The following COP1 variants were observed in gnomAD, a reference collection of about 807,000 sequenced individuals.
COP1 encodes the protein E3 ubiquitin-protein ligase COP1.
In COP1, 24 loss-of-function variants were observed where a neutral mutation model predicts 101.3. That is an observed-to-expected ratio of 0.24 (90% CI 0.17 to 0.33). The LOEUF (loss-of-function observed/expected upper bound fraction) is 0.33, where lower values mean the gene tolerates loss of function less well. Among genes scored for constraint, COP1 ranks in the 10% least tolerant of loss-of-function variants. COP1 has a pLI of 1.00. For synonymous variants in COP1, 347 were observed against 341.9 expected (o/e 1.01, Z -0.17); for missense variants, 663 against 906.2 (o/e 0.73, Z 3.45).
intron 11 of COP1, among the ~76,000 whole-genome samples, chr1:176,057,509 A>AT (rs1454719648): frequency 4.6e-5 from 7 of 151,952 alleles, no homozygotes; most frequent in East Asian, 1.9e-4. Flanking sequence ...TGGTTTTCGT[A>AT]TTTTTTTGGT....
intron 15 of COP1, among the ~76,000 whole-genome samples, chr1:176,006,129 T>C (rs899301128): frequency 7.2e-5 from 11 of 152,180 alleles, no homozygotes; most frequent in African/African-American, 1.4e-4. Flanking sequence ...TTTTGATCTT[T>C]GTTGGTTTAA....
chr1:175,972,887 CA>C (rs1653617479), intron 18 of COP1, among the ~76,000 whole-genome samples: 1 of 152,158 alleles, frequency 6.6e-6, no homozygotes, highest in Non-Finnish European at 1.5e-5. Context: ...GGCTGGAGTG[CA>C]ATGGCACGAT....
chr1:176,089,654 G>A (rs571376372), intron 9 of COP1, among the ~76,000 whole-genome samples: 3 of 152,242 alleles, frequency 2.0e-5, no homozygotes, highest in African/African-American at 7.2e-5. Context: ...TTAAAGCACT[G>A]CTTCACTCTG....
At chr1:176,158,337 G>T (rs1421865486) in intron 5 of COP1, among the ~76,000 whole-genome samples, 1 of 152,058 alleles carries the variant, frequency 6.6e-6, no homozygotes, top group African/African-American at 2.4e-5. Context: ...GATTTTGTCA[G>T]ACATATAAAA....
intron 15 of COP1, among the ~76,000 whole-genome samples, chr1:175,989,917 T>C (rs1658008940): frequency 6.6e-6 from 1 of 152,160 alleles, no homozygotes; most frequent in African/African-American, 2.4e-5. Flanking sequence ...AAATCAGTTT[T>C]AGAGTATTTC....
intron 9 of COP1, among the ~76,000 whole-genome samples, chr1:176,102,151 G>A (rs1394500418): frequency 1.3e-5 from 2 of 152,130 alleles, no homozygotes; most frequent in Non-Finnish European, 2.9e-5. Flanking sequence ...CATTTGCAGC[G>A]GGGAGGAGCC....
intron 19 of COP1, among the ~76,000 whole-genome samples, chr1:175,946,829 C>G (rs980794839): frequency 1.3e-5 from 2 of 152,192 alleles, no homozygotes; most frequent in African/African-American, 4.8e-5. Context: ...GCATCTTCTG[C>G]TATATCTTGC....
intron 3 of COP1, among the ~76,000 whole-genome samples, chr1:176,164,193 T>C (rs1052925328): frequency 6.6e-6 from 1 of 152,228 alleles, no homozygotes; most frequent in African/African-American, 2.4e-5. Context: ...ATTCACCATG[T>C]GAGACCATCA....
At chr1:176,141,974 A>G (rs938169952) in intron 6 of COP1, among the ~76,000 whole-genome samples, 1 of 151,836 alleles carries the variant, frequency 6.6e-6, no homozygotes, top group South Asian at 2.1e-4. Flanking sequence ...CCCTCAAATG[A>G]TCCTCCTACC....
intron 11 of COP1, among the ~76,000 whole-genome samples, chr1:176,064,640 G>A (rs1018086249): frequency 5.3e-5 from 8 of 152,010 alleles, no homozygotes; most frequent in African/African-American, 1.9e-4. Flanking sequence ...GCAGTGTTAC[G>A]GTTTCTTTCC....
At chr1:176,133,239 C>G (rs114144932) in intron 8 of COP1, among the ~76,000 whole-genome samples, 2 of 147,660 alleles carry the variant, frequency 1.4e-5, no homozygotes, top group African/African-American at 5.0e-5. Flanking sequence ...CGTATATGTA[C>G]GTAGGTACAC....
At chr1:175,992,286 A>C (rs950958631) in intron 15 of COP1, among the ~76,000 whole-genome samples, 1 of 152,212 alleles carries the variant, frequency 6.6e-6, no homozygotes, top group Non-Finnish European at 1.5e-5. Flanking sequence ...CCAAATAGGA[A>C]CAGCTCCAGT....
Position 176,079,064 on chromosome 1 carries a change from T to C in COP1, c.1277+2088A>G, listed in dbSNP as rs1410060105. Among the ~76,000 whole-genome samples the C allele has an allele frequency of 2.6e-5, 4 of 152,118 alleles. No individual in the cohort carries two copies. In the East Asian group the frequency reaches 5.8e-4, roughly 22 times the overall value. On this transcript the variant is annotated intron_variant, in intron 11 of 19. Coordinates refer to ENST00000367669, the MANE Select transcript of COP1 (RefSeq NM_022457.7). The stretch of plus-strand genomic sequence containing the variant: ...GGAATGCAAACTAGATCAACCACTA[T>C]GGAAAGCAGTTTGGAGATTTGTCAT...
rs189362553 is a variant in COP1, at chr1:176,084,587, C to T, written c.1141+1189G>A. ...ATTATTACACAAGCACAATAAGGGGCTCCATTCCCAGGCAATAAATGAAAG... is the reference window on the plus strand; with the variant it reads ...ATTATTACACAAGCACAATAAGGGGTTCCATTCCCAGGCAATAAATGAAAG... On this transcript the variant is annotated intron_variant, in intron 10 of 19. Transcript: ENST00000367669. Among the ~76,000 whole-genome samples the T allele has an allele frequency of 5.5e-3, 839 of 152,282 alleles. 2 individuals carry two copies. Among genetic ancestry groups the T allele is most frequent in the South Asian group, 0.011 (54 of 4,816 alleles).
intron 11 of COP1, among the ~76,000 whole-genome samples, chr1:176,058,419 A>C (rs1322369967): frequency 6.6e-6 from 1 of 152,190 alleles, no homozygotes; most frequent in African/African-American, 2.4e-5. Context: ...TTTGCTCTGT[A>C]CTAAGAAAAA....
chr1:175,986,112 C>G (rs530525807), intron 18 of COP1, among the ~76,000 whole-genome samples: 1 of 152,128 alleles, frequency 6.6e-6, no homozygotes, highest in East Asian at 1.9e-4. Flanking sequence ...CTCTGCCTCG[C>G]GGGTTGATGC....
At chr1:176,128,334 T>C (rs1044308673) in intron 8 of COP1, among the ~76,000 whole-genome samples, 4 of 152,040 alleles carry the variant, frequency 2.6e-5, no homozygotes, top group Non-Finnish European at 5.9e-5. Flanking sequence ...ATTACAGGTG[T>C]ATGAAGAGTA....
intron 8 of COP1, among the ~76,000 whole-genome samples, chr1:176,132,605 C>T (rs1689089103): frequency 8.1e-6 from 1 of 122,950 alleles, no homozygotes; most frequent in Admixed American, 8.8e-5. Context: ...CACATATGTA[C>T]GTATATATAC....
intron 18 of COP1, among the ~76,000 whole-genome samples, chr1:175,957,851 G>T (rs1194613549): frequency 1.3e-5 from 2 of 152,030 alleles, no homozygotes; most frequent in Non-Finnish European, 1.5e-5. Flanking sequence ...TAATAAGAAG[G>T]AACTACAGAT....
Sources: gnomAD v4.1 joint callset for allele counts (sites outside exome capture counted in the v4.1 genomes callset) on GRCh38, gnomAD v4.1.1 for gene constraint, MANE v1.5 for transcripts, NCBI Gene and HGNC (gene_info 2026-07-23, HGNC 2026-07-21) for gene names.